The following KLF12 variants were observed in gnomAD, a reference collection of about 807,000 sequenced individuals.
The protein encoded by KLF12 is Krueppel-like factor 12.
Under a neutral mutation model 37.8 loss-of-function variants are expected in KLF12, and 9 were observed. The observed-to-expected ratio is 0.24, with a 90% CI of 0.14 to 0.42. The LOEUF is 0.42. Ranked by LOEUF, KLF12 falls within the 10% of genes least tolerant of loss-of-function variation. The pLI, the probability that KLF12 is intolerant of heterozygous loss-of-function variation, is 1.00. For synonymous variants in KLF12, 208 were observed against 202.1 expected (o/e 1.03, Z -0.25); for missense variants, 411 against 516.0 (o/e 0.80, Z 1.97).
chr13:73,695,536 C>T lies in KLF12; in HGVS notation c.1163G>A (p.Arg388Gln). The T allele has an allele frequency of 6.2e-7, 1 of 1,614,026 alleles. No homozygotes were observed. ...GCGGTGCAGGGCCAAATGATCTGACCGGGAAAAGCTGCGATCACAGTCCGC... is the reference window on the plus strand; with the variant it reads ...GCGGTGCAGGGCCAAATGATCTGACTGGGAAAAGCTGCGATCACAGTCCGC... Residue 388 changes from arginine to glutamine, a missense_variant, in exon 8 of 8, where the codon CGG becomes CAG. This residue lies in a region of KLF12 where 60 missense variants were observed against 118.2 expected (regional missense o/e 0.51). Coordinates refer to ENST00000377669, the MANE Select transcript of KLF12 (RefSeq NM_007249.5).
chr13:73,819,828 C>A (rs1883425924), intron 4 of KLF12, among the ~76,000 whole-genome samples: 1 of 152,124 alleles, frequency 6.6e-6, no homozygotes, highest in Non-Finnish European at 1.5e-5. Context: ...GAGAAGCTTG[C>A]AGGTGAGGGT....
chr13:73,844,659 T>G (rs1199777586), intron 4 of KLF12: 1 of 152,168 alleles, frequency 6.6e-6, no homozygotes, highest in Non-Finnish European at 1.5e-5. Flanking sequence ...AATTCATACC[T>G]GCAAAAATTT....
At chr13:74,009,734 C>T (rs966643575) in intron 1 of KLF12, among the ~76,000 whole-genome samples, 2 of 152,128 alleles carry the variant, frequency 1.3e-5, no homozygotes, top group Non-Finnish European at 2.9e-5. Context: ...CTCAGAAGTG[C>T]TACATGAATT....
At chr13:73,981,937 C>T (rs894280988) in intron 2 of KLF12, among the ~76,000 whole-genome samples, 1 of 151,980 alleles carries the variant, frequency 6.6e-6, no homozygotes, top group Non-Finnish European at 1.5e-5. Flanking sequence ...AAGAAAGGGA[C>T]TAAAAGGGGT....
rs976415955 is a variant in KLF12 at position 73,688,751 on chromosome 13, T to G, written c.*6739A>C. On this transcript the variant is annotated 3_prime_UTR_variant, in exon 8 of 8. Transcript: ENST00000377669. ...CATGTGTTATATCATGTCCCGATAT[T>G]TCACTTGAAAAATATGATGACTACT... The G allele has an allele frequency of 3.9e-5, 6 of 152,178 alleles. No individual in the cohort carries two copies. The highest frequency in any genetic ancestry group is 1.4e-4 in the African/African-American group (6 of 41,438). 9.4% of individuals were successfully genotyped at this position (152,178 alleles called of 1,614,324 possible). A position where few individuals can be genotyped will look rare whatever the true frequency, so the allele number is the denominator to read the frequency against.
chr13:74,269,829 C>A, the KLF12 span, among the ~76,000 whole-genome samples: 43 of 152,278 alleles, frequency 2.8e-4, no homozygotes, highest in Non-Finnish European at 5.3e-4. Context: ...TAATGAGCCG[C>A]TCATGCCAGG....
At chr13:73,800,010 A>G (rs1882201586) in intron 5 of KLF12, 2 of 152,282 alleles carry the variant, frequency 1.3e-5, no homozygotes, top group South Asian at 4.1e-4. Context: ...TCACTATCGT[A>G]GCCCATAGCT....
the KLF12 span, among the ~76,000 whole-genome samples, chr13:74,225,789 A>G: frequency 7.9e-5 from 12 of 152,156 alleles, no homozygotes; most frequent in Admixed American, 5.9e-4. Context: ...CCAGTTAGGG[A>G]GAGAAAAAGT....
intron 1 of KLF12, among the ~76,000 whole-genome samples, chr13:74,125,927 T>C (rs1221287181): frequency 6.6e-6 from 1 of 152,184 alleles, no homozygotes; most frequent in African/African-American, 2.4e-5. Flanking sequence ...AAGGGGAAAG[T>C]CCAGGGGGCT....
chr13:73,738,022 A>AAC (rs930525748), intron 6 of KLF12, among the ~76,000 whole-genome samples: 21 of 92,380 alleles, frequency 2.3e-4, no homozygotes, highest in African/African-American at 1.2e-3. Context: ...TCATTCAACA[A>AAC]ACACACACAC....
intron 1 of KLF12, among the ~76,000 whole-genome samples, chr13:74,056,966 G>A (rs1188601852): frequency 6.6e-6 from 1 of 152,142 alleles, no homozygotes; most frequent in Non-Finnish European, 1.5e-5. Context: ...CCCAGAAGTG[G>A]GTGTGGGCAC....
At chr13:73,701,472 G>C (rs890919273) in intron 7 of KLF12, among the ~76,000 whole-genome samples, 1 of 152,214 alleles carries the variant, frequency 6.6e-6, no homozygotes, top group Non-Finnish European at 1.5e-5. Flanking sequence ...AACCTCTTTT[G>C]ACAATAGTCT....
chr13:73,718,844 A>C (rs1410598376), intron 6 of KLF12, among the ~76,000 whole-genome samples: 1 of 152,204 alleles, frequency 6.6e-6, no homozygotes, highest in Non-Finnish European at 1.5e-5. Flanking sequence ...CAGTGAGCCA[A>C]GATCATGCCA....
chr13:74,008,497 G>C (rs1482743429), intron 1 of KLF12, among the ~76,000 whole-genome samples: 1 of 152,166 alleles, frequency 6.6e-6, no homozygotes, highest in Admixed American at 6.5e-5. Context: ...AATTCTTATG[G>C]CTGACGACTA....
chr13:74,110,951 G>A (rs1007516270), intron 1 of KLF12, among the ~76,000 whole-genome samples: 2 of 151,954 alleles, frequency 1.3e-5, no homozygotes, highest in African/African-American at 2.4e-5. Flanking sequence ...TCAGGAGTAC[G>A]AGACCAGCCT....
the KLF12 span, among the ~76,000 whole-genome samples, chr13:74,140,793 C>A: frequency 6.6e-6 from 1 of 152,090 alleles, no homozygotes; most frequent in Non-Finnish European, 1.5e-5. Flanking sequence ...GTGGCTCATG[C>A]CTGTAATCCC....
At chr13:73,941,875 C>T (rs907775550) in intron 3 of KLF12, among the ~76,000 whole-genome samples, 1 of 152,092 alleles carries the variant, frequency 6.6e-6, no homozygotes, top group African/African-American at 2.4e-5. Context: ...TTCCCTCCAA[C>T]ATGCAGAATC....
At chr13:73,876,119 C>A (rs529534448) in intron 3 of KLF12, among the ~76,000 whole-genome samples, 1 of 150,166 alleles carries the variant, frequency 6.7e-6, no homozygotes, top group African/African-American at 2.5e-5. Flanking sequence ...AGGAATCCAG[C>A]ACATTTTAGC....
the KLF12 span, among the ~76,000 whole-genome samples, chr13:74,162,334 C>A: frequency 6.6e-6 from 1 of 152,216 alleles, no homozygotes; most frequent in Non-Finnish European, 1.5e-5. Context: ...TCTTGTTGAA[C>A]AACACAGATT....
Sources: allele counts gnomAD v4.1 joint callset (sites outside exome capture counted in the v4.1 genomes callset), GRCh38; gene constraint gnomAD v4.1.1; regional missense constraint gnomAD v4.1.1; transcripts MANE v1.5; gene names NCBI Gene and HGNC (gene_info 2026-07-23, HGNC 2026-07-21).